SOD2: variants seen among roughly 807,000 people sequenced by gnomAD.
SOD2 encodes the protein superoxide dismutase 2.
In SOD2, 11 loss-of-function variants were observed where a neutral mutation model predicts 27.0. That is an observed-to-expected ratio of 0.41 (90% CI 0.26 to 0.67). The LOEUF is 0.67. SOD2 is among the 30% of genes least tolerant of loss of function. The probability of loss-of-function intolerance (pLI) is 0.34; values close to 1 mark genes in which losing one functional copy is unlikely to be tolerated. For synonymous variants in SOD2, 105 were observed against 103.0 expected (o/e 1.02, Z -0.12); for missense variants, 250 against 274.5 (o/e 0.91, Z 0.63).
intron 1 of SOD2, among the ~76,000 whole-genome samples, chr6:159,742,604 T>A (rs1247221317): frequency 6.6e-6 from 1 of 152,204 alleles, no homozygotes; most frequent in Non-Finnish European, 1.5e-5. Flanking sequence ...ATAACGTTTA[T>A]CATTTTAAGC....
At chr6:159,755,783 T>TTTTTTTTTTTTTA (rs1408563967) in intron 1 of SOD2, 1 of 1,036,748 alleles carries the variant, frequency 9.6e-7, no homozygotes, top group African/African-American at 1.7e-5. Context: ...TTTTTTTTTT[T>TTTTTTTTTTTTTA]TTTTTTTGCT....
At position 159,671,104 on chromosome 6, in the gene SOD2, G is replaced by A. The variant is rs897442568; in HGVS notation, c.*11389C>T. 1 of 140,940 alleles carries A rather than the reference G, an allele frequency of 7.1e-6. No homozygotes were observed. The highest frequency in any genetic ancestry group is 2.6e-5 in the African/African-American group (1 of 38,046). 8.7% of individuals were successfully genotyped at this position (140,940 alleles called of 1,614,324 possible). Reference sequence around the variant, plus strand: ...TAAAGCAGCCGGGAAGCTCGAACTAGGTGGAGCCCACTGCAGCTCAAGGAG... The same window carrying A: ...TAAAGCAGCCGGGAAGCTCGAACTAAGTGGAGCCCACTGCAGCTCAAGGAG... On this transcript the variant is annotated 3_prime_UTR_variant, in exon 5 of 5. Transcript: ENST00000538183.
upstream of SOD2, among the ~76,000 whole-genome samples, chr6:159,728,578 T>G (rs551254583): frequency 1.4e-3 from 213 of 152,332 alleles, 2 homozygotes; most frequent in Middle Eastern, 6.8e-3. Flanking sequence ...CAAGTTCTCG[T>G]TTTTTGGATT....
intron 1 of SOD2, among the ~76,000 whole-genome samples, chr6:159,717,274 T>C (rs1777937713): frequency 6.6e-6 from 1 of 152,176 alleles, no homozygotes; most frequent in Admixed American, 6.5e-5. Flanking sequence ...ATCTTTATTT[T>C]TTTACTATAA....
chr6:159,691,792 AAAC>A (rs2114789591), intron 2 of SOD2: 1 of 152,306 alleles, frequency 6.6e-6, no homozygotes, highest in South Asian at 2.1e-4. Context: ...TAGTAAATAA[AAAC>A]AAGCCTGTTT....
chr6:159,692,558 C>G (rs1164017961), intron 2 of SOD2, 103 bp downstream of exon 2: 2 of 1,552,662 alleles, frequency 1.3e-6, no homozygotes, highest in East Asian at 4.6e-5. Context: ...GGTACAAATA[C>G]GAAGCGAGTT....
At position 159,735,477 on chromosome 6, in the gene SOD2, G is replaced by A. The variant is rs1221930590; in HGVS notation, c.-116+9653C>T. 3.9e-5 allele frequency among the ~76,000 whole-genome samples: 6 copies of A among 152,190 alleles called. 1 individual carries two copies. In the South Asian group the frequency reaches 1.0e-3, roughly 26 times the overall value. On this transcript the variant is annotated intron_variant, in intron 1 of 3. Transcript: ENST00000537657. ...TTTTAAAATATGTAATAGGATGGGCGTGGTGGTTCATTCCTGTAATCCCAG... is the reference window on the plus strand; with the variant it reads ...TTTTAAAATATGTAATAGGATGGGCATGGTGGTTCATTCCTGTAATCCCAG...
At position 159,680,328 on chromosome 6, in the gene SOD2, C is replaced by G. The variant is rs1338723887; in HGVS notation, c.*2165G>C. 6.6e-6 allele frequency: 1 copy of G among 152,110 alleles called. No homozygotes were observed. The highest frequency in any genetic ancestry group is 2.4e-5 in the African/African-American group (1 of 41,404). The allele number at this position is 152,110 out of a possible 1,614,324, so 9.4% of individuals were successfully genotyped here. A position where few individuals can be genotyped will look rare whatever the true frequency, so the allele number is the denominator to read the frequency against. ...AGTAATCTTACATGACACATAAAAG[C>G]TGTTTCACTGTGACACATATATAAT... On this transcript the variant is annotated 3_prime_UTR_variant, in exon 5 of 5. Transcript: ENST00000538183.
chr6:159,732,685 G>A (rs1316821666), intron 1 of SOD2, among the ~76,000 whole-genome samples: 3 of 152,072 alleles, frequency 2.0e-5, no homozygotes, highest in Admixed American at 6.6e-5. Context: ...TTAGCCGGGC[G>A]TGGTGGCAGG....
At chr6:159,759,352 G>A (rs1233810807) in intron 1 of SOD2, among the ~76,000 whole-genome samples, 2 of 145,732 alleles carry the variant, frequency 1.4e-5, no homozygotes, top group African/African-American at 2.5e-5. Context: ...AGCCACCGCG[G>A]CCGGCCAAGA....
In SOD2 at chr6:159,692,697, C is replaced by T. The variant is rs750541818; in HGVS notation, c.190G>A (p.Val64Ile). Residue 64 changes from valine to isoleucine, a missense_variant, in exon 2 of 5, where the codon GTC (valine) becomes ATC (isoleucine). Transcript: ENST00000538183. ...HHAAYVNNLNVTEEKYQEALA... is the reference protein window; with the variant it reads ...HHAAYVNNLNITEEKYQEALA... ...GCCTCCTGGTACTTCTCCTCGGTGA[C>T]GTTCAGGTTGTTCACGTAGGCCGCG... 6.2e-7 allele frequency: 1 copy of T among 1,614,140 alleles called. No individual in the cohort carries two copies.
At chr6:159,753,265 A>C in intron 1 of SOD2, 1 of 738,138 alleles carries the variant, frequency 1.4e-6, no homozygotes. Context: ...TTTAGGGTTT[A>C]TTTTTACTGC....
rs1779989351 is a variant in SOD2 at position 159,755,768 on chromosome 6, T to TG, written c.-336+5268_-336+5269insC. Reference sequence around the variant, plus strand: ...TTCTTTGTTTTTTTTTTCTTTTCTTTTTTTTTTTTTTTTTTTTTTTTTGCT... The same window carrying TG: ...TTCTTTGTTTTTTTTTTCTTTTCTTTGTTTTTTTTTTTTTTTTTTTTTTGCT... On this transcript the variant is annotated intron_variant, in intron 1 of 7. Coordinates refer to the SOD2 transcript ENST00000546087. 1.4e-5 allele frequency: 8 copies of TG among 561,232 alleles called. No individual in the cohort carries two copies. The Admixed American group carries it at 1.8e-4, about 12-fold the overall frequency. The allele number at this position is 561,232 out of a possible 1,614,324, so 34.8% of individuals were successfully genotyped here. A position where few individuals can be genotyped will look rare whatever the true frequency, so the allele number is the denominator to read the frequency against.
exon 1 of SOD2, chr6:159,761,978 C>A (rs1325724328): frequency 1.6e-6 from 2 of 1,254,520 alleles, no homozygotes; most frequent in Non-Finnish European, 2.3e-6. Context: ...AGGTGGAGGG[C>A]GAGGGGCGGG....
upstream of SOD2, among the ~76,000 whole-genome samples, chr6:159,728,638 C>A (rs937218911): frequency 8.5e-5 from 13 of 152,218 alleles, no homozygotes; most frequent in Middle Eastern, 0.014. Flanking sequence ...ATGTTGTGGA[C>A]ATTTAAAACC....
At chr6:159,699,693 A>AT (rs565848043) in intron 1 of SOD2, among the ~76,000 whole-genome samples, 47 of 152,308 alleles carry the variant, frequency 3.1e-4, no homozygotes, top group African/African-American at 1.0e-3. Context: ...AGTTCCAAGA[A>AT]TGACTCTCAA....
At chr6:159,710,050 A>G (rs1777701783) in intron 1 of SOD2, among the ~76,000 whole-genome samples, 1 of 136,938 alleles carries the variant, frequency 7.3e-6, no homozygotes, top group South Asian at 2.3e-4. Flanking sequence ...TCTCACTCAT[A>G]GGTGGGAATT....
intron 4 of SOD2, among the ~76,000 whole-genome samples, chr6:159,684,387 G>A (rs1780090683): frequency 6.6e-6 from 1 of 152,072 alleles, no homozygotes; most frequent in African/African-American, 2.4e-5. Context: ...GGAGGCCGAG[G>A]CAGGCAGATA....
At chr6:159,736,017 ACT>A (rs1337754912) in intron 1 of SOD2, among the ~76,000 whole-genome samples, 7 of 152,262 alleles carry the variant, frequency 4.6e-5, no homozygotes, top group Admixed American at 2.0e-4. Flanking sequence ...CTACCCAATA[ACT>A]CTAATGATGG....
Sources: gnomAD v4.1 joint callset for allele counts (sites outside exome capture counted in the v4.1 genomes callset) on GRCh38, gnomAD v4.1.1 for gene constraint, MANE v1.5 for transcripts, NCBI Gene and HGNC (gene_info 2026-07-23, HGNC 2026-07-21) for gene names.